The following OPA1 variants were observed in gnomAD, a reference collection of about 807,000 sequenced individuals.
OPA1 encodes the protein dynamin-like GTPase OPA1, mitochondrial.
OPA1 carries 59 observed loss-of-function variants against 152.9 expected under a neutral mutation model. The ratio of observed to expected loss-of-function variants is 0.39; its 90% CI spans 0.31 to 0.48. The LOEUF is 0.48. OPA1 is among the 20% of genes least tolerant of loss of function. The pLI is 0.96. For synonymous variants in OPA1, 400 were observed against 389.9 expected, an observed-to-expected ratio of 1.03 and a Z score of -0.31; for missense variants, 1,008 against 1,216.8, an observed-to-expected ratio of 0.83 and a Z score of 2.55.
chr3:193,601,650 A>G (rs1276678911), intron 1 of OPA1, among the ~76,000 whole-genome samples: 1 of 152,168 alleles, frequency 6.6e-6, no homozygotes, highest in Non-Finnish European at 1.5e-5. Context: ...ACAAGCAATC[A>G]CTTGTACTAA....
chr3:193,598,475 C>T (rs1725950515), intron 1 of OPA1, among the ~76,000 whole-genome samples: 1 of 152,040 alleles, frequency 6.6e-6, no homozygotes, highest in African/African-American at 2.4e-5. Context: ...GATGTGCTTC[C>T]AGTTGGGTGT....
intron 30 of OPA1, among the ~76,000 whole-genome samples, chr3:193,693,840 C>T (rs142430247): frequency 3.3e-4 from 51 of 152,298 alleles, no homozygotes; most frequent in African/African-American, 1.2e-3. Flanking sequence ...TGAATACTTA[C>T]TATTAGAAAT....
chr3:193,664,278 T>C (rs1488652617), intron 26 of OPA1, among the ~76,000 whole-genome samples: 1 of 152,040 alleles, frequency 6.6e-6, no homozygotes, highest in Admixed American at 6.5e-5. Flanking sequence ...CTTTAATAAT[T>C]GATACCACTT....
chr3:193,685,134 T>G (rs1341998829), intron 29 of OPA1, among the ~76,000 whole-genome samples: 1 of 151,906 alleles, frequency 6.6e-6, no homozygotes, highest in Non-Finnish European at 1.5e-5. Flanking sequence ...ACCCCATCAC[T>G]ACTAAAAATA....
chr3:193,660,257 G>A (rs984207523), intron 25 of OPA1, among the ~76,000 whole-genome samples: 2 of 151,866 alleles, frequency 1.3e-5, no homozygotes, highest in Admixed American at 6.6e-5. Context: ...ATTCCTTTCC[G>A]ATTCTTATAG....
intron 7 of OPA1, chr3:193,627,449 A>G (rs183743824): frequency 1.3e-5 from 2 of 152,348 alleles, no homozygotes; most frequent in African/African-American, 2.4e-5. Flanking sequence ...TACTGTGAAT[A>G]TATCATTTAA....
At chr3:193,678,485 A>G (rs1253472932) in intron 29 of OPA1, among the ~76,000 whole-genome samples, 2 of 152,026 alleles carry the variant, frequency 1.3e-5, no homozygotes, top group Non-Finnish European at 2.9e-5. Flanking sequence ...TCTGGAACAC[A>G]TTTTTCGTGA....
intron 29 of OPA1, among the ~76,000 whole-genome samples, chr3:193,690,310 C>T (rs1488723253): frequency 4.8e-5 from 2 of 42,054 alleles, no homozygotes; most frequent in African/African-American, 1.1e-4. Flanking sequence ...GACTCCCCCC[C>T]CACCCCACCC....
In OPA1 at chr3:193,615,054, T is replaced by G. The variant is rs763656200; in HGVS notation, c.351+13T>G. The G allele has an allele frequency of 3.3e-5, 53 of 1,593,812 alleles. No homozygotes were observed. Among genetic ancestry groups the G allele is most frequent in the Non-Finnish European group, 4.4e-5 (51 of 1,161,564 alleles). On this transcript the variant is annotated intron_variant, in intron 2 of 30. Coordinates refer to ENST00000361510, the MANE Select transcript of OPA1 (RefSeq NM_130837.3). ...CACAGCCAAAAAGGTGAACTTGACA[T>G]TCCTCCTGGTTTTCCAATTATTATA...
At chr3:193,669,092 TG>T (rs1560050962) in intron 29 of OPA1, among the ~76,000 whole-genome samples, 1 of 152,230 alleles carries the variant, frequency 6.6e-6, no homozygotes, top group Non-Finnish European at 1.5e-5. Flanking sequence ...AAAGAAGTTC[TG>T]CAAATTTAAA....
At chr3:193,668,637 G>T in intron 29 of OPA1, 2 of 1,520,798 alleles carry the variant, frequency 1.3e-6, no homozygotes, top group Middle Eastern at 1.7e-4. Flanking sequence ...CTCCTGCACA[G>T]ATACTCTCCT....
At chr3:193,663,938 A>G (rs1715915920) in intron 26 of OPA1, among the ~76,000 whole-genome samples, 1 of 152,188 alleles carries the variant, frequency 6.6e-6, no homozygotes, top group Non-Finnish European at 1.5e-5. Flanking sequence ...CGTTAACAAT[A>G]AGTTATATTC....
At chr3:193,617,692 C>A (rs878952527) in intron 4 of OPA1, 92 bp from the exon 5 acceptor site, 2 of 931,376 alleles carry the variant, frequency 2.1e-6, no homozygotes, top group African/African-American at 1.6e-5. Flanking sequence ...ATTGCCCTAT[C>A]GTAATATGAA....
intron 29 of OPA1, chr3:193,668,696 C>T: frequency 1.4e-6 from 2 of 1,382,446 alleles, no homozygotes; most frequent in Non-Finnish European, 1.9e-6. Context: ...CATTGTAACC[C>T]AGGTCAGGCA....
At chr3:193,617,721 CTTTG>C (rs1553872428) in intron 4 of OPA1, 59 bp from the exon 5 acceptor site, 6 of 1,229,824 alleles carry the variant, frequency 4.9e-6, no homozygotes, top group East Asian at 2.3e-5. Context: ...TCTCAGACAT[CTTTG>C]TTTGCTCATT....
chr3:193,643,374 C>G lies in OPA1; in HGVS notation c.1307C>G (p.Thr436Ser), dbSNP rs1174632014. The G allele has an allele frequency of 1.2e-6, 2 of 1,605,724 alleles. No homozygotes were observed. The highest frequency in any genetic ancestry group is 2.2e-5 in the South Asian group (2 of 90,862). Residue 436 changes from threonine (T) to serine (S), a missense_variant and splice_region_variant, in exon 14 of 31, where the codon ACC becomes AGC. Physicochemically the swap from Thr to Ser is moderately conservative, Grantham distance 58. This residue lies in a region of OPA1 where 213 missense variants were observed against 291.4 expected (regional missense o/e 0.73). Transcript: ENST00000361510. ...TTTATTTTTATTTTTCCTGAGTAGA[C>G]CATATCCTTAAATGTAAAAGGCCCT... The part of the protein sequence containing the change: ...VKEGCTVSPE[T>S]ISLNVKGPGL...
chr3:193,646,961 G>A (rs1734745285), intron 18 of OPA1, 104 bp from the exon 19 acceptor site: 2 of 712,720 alleles, frequency 2.8e-6, no homozygotes, highest in Non-Finnish European at 4.9e-6. Flanking sequence ...TGGTATGAAA[G>A]GTAAGAGTGG....
At chr3:193,598,496 A>G (rs2108783536) in intron 1 of OPA1, among the ~76,000 whole-genome samples, 1 of 152,326 alleles carries the variant, frequency 6.6e-6, no homozygotes, top group South Asian at 2.1e-4. Flanking sequence ...GATTTTCTCC[A>G]GTAGTGCTTT....
In OPA1 at chr3:193,667,074, TA is replaced by T. The variant is rs200150628; in HGVS notation, c.2873-90del. The stretch of plus-strand genomic sequence containing the variant: ...AGTATTAGCAATAGTTCTAACATGA[TA>T]AAAAATTTACTCTCCATATATATAG... On this transcript the variant is annotated intron_variant, in intron 28 of 30. Transcript: ENST00000361510. 3.0e-5 allele frequency: 21 copies of T among 706,520 alleles called. No homozygotes were observed. The East Asian group carries it at 5.5e-4, about 18-fold the overall frequency. 43.8% of individuals were successfully genotyped at this position (706,520 alleles called of 1,614,324 possible). A position where few individuals can be genotyped will look rare whatever the true frequency, so the allele number is the denominator to read the frequency against.
Sources: gnomAD v4.1 joint callset for allele counts (sites outside exome capture counted in the v4.1 genomes callset) on GRCh38, gnomAD v4.1.1 for gene constraint, gnomAD v4.1.1 regional missense constraint, MANE v1.5 for transcripts, NCBI Gene and HGNC (gene_info 2026-07-23, HGNC 2026-07-21) for gene names.